Variants in STK33 observed in about 807,000 individuals in gnomAD.
STK33 encodes the protein serine/threonine-protein kinase 33.
In STK33, 52 loss-of-function variants were observed where a neutral mutation model predicts 58.0. That is an observed-to-expected ratio of 0.90 (90% CI 0.72 to 1.13). STK33 has a LOEUF of 1.13. Ranked by LOEUF, STK33 falls within the 50% of genes most tolerant of loss-of-function variation. The probability of loss-of-function intolerance (pLI) is 0.00; values close to 1 mark genes in which losing one functional copy is unlikely to be tolerated. For synonymous variants in STK33, 215 were observed against 200.1 expected, an observed-to-expected ratio of 1.07 and a Z score of -0.63; for missense variants, 630 against 604.2, an observed-to-expected ratio of 1.04 and a Z score of -0.45.
chr11:8,361,275 G>A, the STK33 span, among the ~76,000 whole-genome samples: 2 of 152,026 alleles, frequency 1.3e-5, no homozygotes, highest in African/African-American at 2.4e-5. The surrounding 1 kb of genome is among the most constrained non-coding windows in gnomAD (Gnocchi z 4.8). Flanking sequence ...AAGATGGTCC[G>A]GGACAACCAC....
intron 1 of STK33, among the ~76,000 whole-genome samples, chr11:8,492,827 C>A (rs1454482093): frequency 6.6e-6 from 1 of 152,198 alleles, no homozygotes; most frequent in Non-Finnish European, 1.5e-5. Context: ...GGAAACTGAA[C>A]AACTTACTTC....
chr11:8,443,352 T>G (rs1441669940), intron 11 of STK33, among the ~76,000 whole-genome samples: 2 of 152,210 alleles, frequency 1.3e-5, no homozygotes, highest in Non-Finnish European at 2.9e-5. Flanking sequence ...GCTGATCATG[T>G]GTTCAGTCAC....
intron 14 of STK33, among the ~76,000 whole-genome samples, chr11:8,429,221 T>A (rs1350953071): frequency 6.6e-6 from 1 of 152,210 alleles, no homozygotes; most frequent in African/African-American, 2.4e-5. Flanking sequence ...TACAAATGTT[T>A]ATATGATAAA....
At chr11:8,420,014 C>T (rs565069413) in intron 14 of STK33, among the ~76,000 whole-genome samples, 40 of 152,064 alleles carry the variant, frequency 2.6e-4, no homozygotes, top group African/African-American at 8.9e-4. Flanking sequence ...CACTATGTTG[C>T]CTAAGCTGGT....
intron 1 of STK33, among the ~76,000 whole-genome samples, chr11:8,494,434 G>T (rs552190909): frequency 6.6e-6 from 1 of 152,148 alleles, no homozygotes; most frequent in Admixed American, 6.5e-5. Flanking sequence ...ACTGCTCAAC[G>T]AAATAAAGGA....
chr11:8,481,252 C>G (rs1017320402), intron 1 of STK33, among the ~76,000 whole-genome samples: 2 of 152,326 alleles, frequency 1.3e-5, no homozygotes, highest in Admixed American at 1.3e-4. Context: ...CAACTCCAAA[C>G]AGTCTACAAC....
chr11:8,469,335 A>T (rs570645397), intron 6 of STK33, among the ~76,000 whole-genome samples: 2 of 152,368 alleles, frequency 1.3e-5, no homozygotes, highest in South Asian at 4.1e-4. Flanking sequence ...ATTCCATTTC[A>T]AGAAATCACT....
chr11:8,398,933 T>C (rs1849870447), intron 15 of STK33, among the ~76,000 whole-genome samples: 1 of 152,194 alleles, frequency 6.6e-6, no homozygotes, highest in African/African-American at 2.4e-5. Context: ...TAAATATATA[T>C]GCACCCAATA....
intron 9 of STK33, among the ~76,000 whole-genome samples, chr11:8,455,747 C>G (rs532092121): frequency 7.5e-6 from 1 of 132,680 alleles, no homozygotes; most frequent in East Asian, 2.4e-4. Flanking sequence ...GGAGGCGGAG[C>G]TTGCAGTGAG....
chr11:8,537,359 G>A (rs1310175350), intron 1 of STK33, among the ~76,000 whole-genome samples: 3 of 151,960 alleles, frequency 2.0e-5, no homozygotes, highest in Non-Finnish European at 1.5e-5. Context: ...CAAAGTACTG[G>A]GATTACAGGC....
chr11:8,354,354 T>A, the STK33 span, among the ~76,000 whole-genome samples: 1 of 151,894 alleles, frequency 6.6e-6, no homozygotes, highest in East Asian at 1.9e-4. Flanking sequence ...AAATATCCTA[T>A]CCTAAGGTAC....
intron 1 of STK33, among the ~76,000 whole-genome samples, chr11:8,539,584 A>G (rs1955340816): frequency 6.6e-6 from 1 of 152,222 alleles, no homozygotes; most frequent in Non-Finnish European, 1.5e-5. Context: ...ACCAACACCA[A>G]TAAATAAGAG....
At chr11:8,350,993 G>A in the STK33 span, among the ~76,000 whole-genome samples, 1 of 152,130 alleles carries the variant, frequency 6.6e-6, no homozygotes, top group Non-Finnish European at 1.5e-5. Flanking sequence ...TTGGAAACAA[G>A]GGGAGGAAAC....
At chr11:8,448,491 C>T (rs1406973388) in intron 11 of STK33, among the ~76,000 whole-genome samples, 1 of 152,114 alleles carries the variant, frequency 6.6e-6, no homozygotes, top group Admixed American at 6.5e-5. Context: ...TATCTACAAC[C>T]ATCTGATCTT....
intron 1 of STK33, among the ~76,000 whole-genome samples, chr11:8,592,202 C>T (rs902557190): frequency 7.9e-5 from 12 of 152,228 alleles, no homozygotes; most frequent in South Asian, 4.1e-4. Flanking sequence ...TAACAACTCG[C>T]CCCAGGCTCC....
At chr11:8,555,961 A>C (rs1327269634) in intron 1 of STK33, among the ~76,000 whole-genome samples, 1 of 152,232 alleles carries the variant, frequency 6.6e-6, no homozygotes, top group Non-Finnish European at 1.5e-5. Flanking sequence ...ATCAGAGAAG[A>C]CACCAAGATC....
intron 1 of STK33, among the ~76,000 whole-genome samples, chr11:8,576,935 T>C (rs1203242060): frequency 3.9e-5 from 6 of 152,230 alleles, no homozygotes; most frequent in Admixed American, 3.9e-4. Context: ...AGAATTGCTC[T>C]ACTTCCCCGG....
intron 8 of STK33, among the ~76,000 whole-genome samples, chr11:8,461,124 T>C (rs189426529): frequency 2.6e-4 from 40 of 152,312 alleles, no homozygotes; most frequent in African/African-American, 8.9e-4. Flanking sequence ...CATGGTCTCA[T>C]GGATAACTAA....
the STK33 span, among the ~76,000 whole-genome samples, chr11:8,339,965 C>T: frequency 2.4e-4 from 36 of 152,346 alleles, no homozygotes; most frequent in African/African-American, 8.2e-4. Flanking sequence ...TGAGCTTGTG[C>T]AGAACCCGAG....
Sources: allele counts gnomAD v4.1 joint callset (sites outside exome capture counted in the v4.1 genomes callset), GRCh38; gene constraint gnomAD v4.1.1; non-coding constraint Gnocchi (gnomAD v3.1); transcripts MANE v1.5; gene names NCBI Gene and HGNC (gene_info 2026-07-23, HGNC 2026-07-21).